Variants in DBF4B observed in about 807,000 individuals in gnomAD.
The protein encoded by DBF4B is DBF4B-CDC7 kinase regulatory subunit.
A neutral mutation model predicts 53.4 loss-of-function variants in DBF4B; 49 were observed. That is an observed-to-expected ratio of 0.92 (90% confidence interval 0.73 to 1.16). DBF4B has a LOEUF of 1.16. DBF4B is among the 50% of genes most tolerant of loss of function. DBF4B has a pLI of 0.00. For synonymous variants in DBF4B, 257 were observed against 288.7 expected (o/e 0.89, Z 1.11); for missense variants, 692 against 775.0 (o/e 0.89, Z 1.27).
chr17:44,723,911 G>C (rs1974066450), intron 3 of DBF4B, among the ~76,000 whole-genome samples: 1 of 152,184 alleles, frequency 6.6e-6, no homozygotes, highest in Non-Finnish European at 1.5e-5. Flanking sequence ...AGGAGTTCAA[G>C]ATCAGCCTGG....
intron 7 of DBF4B, among the ~76,000 whole-genome samples, chr17:44,734,558 GAGTGATTGAAAT>G (rs1975170830): frequency 6.6e-6 from 1 of 152,234 alleles, no homozygotes. Flanking sequence ...GGGTGAGAAG[GAGTGATTGAAAT>G]AGCTGCCATC....
intron 13 of DBF4B, chr17:44,748,723 G>A (rs1376880330): frequency 7.2e-7 from 1 of 1,382,000 alleles, no homozygotes; most frequent in Non-Finnish European, 9.5e-7. Context: ...GTTCCCCAGT[G>A]GCAGTGCTAA....
At chr17:44,726,141 C>T (rs1974303836) in intron 3 of DBF4B, among the ~76,000 whole-genome samples, 1 of 151,826 alleles carries the variant, frequency 6.6e-6, no homozygotes. Flanking sequence ...AGGCATGCAC[C>T]TCCATGCCTG....
chr17:44,741,558 AG>A (rs1976030657), intron 10 of DBF4B, 106 bp downstream of exon 10: 1 of 697,742 alleles, frequency 1.4e-6, no homozygotes, highest in African/African-American at 1.8e-5. Context: ...TTTGCTCCTT[AG>A]GCAAAGTCTA....
intron 2 of DBF4B, among the ~76,000 whole-genome samples, chr17:44,711,273 C>G (rs1972841337): frequency 1.3e-5 from 2 of 151,990 alleles, no homozygotes; most frequent in African/African-American, 4.8e-5. Context: ...CGTGAGCCAC[C>G]ACACCTGGCC....
chr17:44,750,004 C>T, intron 13 of DBF4B: 1 of 1,003,296 alleles, frequency 1.0e-6, no homozygotes, highest in Non-Finnish European at 1.2e-6. Context: ...CCAGCACTGA[C>T]CTTTCCCCTG....
chr17:44,736,738 G>A, intron 7 of DBF4B, 92 bp from the exon 8 acceptor site: 1 of 1,425,468 alleles, frequency 7.0e-7, no homozygotes, highest in South Asian at 1.2e-5. Flanking sequence ...AAGCAAAGTG[G>A]GACAGACTGG....
chr17:44,742,446 T>TTA (rs1255997403), intron 10 of DBF4B, among the ~76,000 whole-genome samples: 1 of 149,648 alleles, frequency 6.7e-6, no homozygotes, highest in Admixed American at 6.7e-5. Flanking sequence ...TCAAGCGTGA[T>TTA]GACAAGTGCC....
intron 7 of DBF4B, 44 bp downstream of exon 7, chr17:44,734,207 A>G (rs780455915): frequency 1.5e-5 from 24 of 1,613,284 alleles, no homozygotes; most frequent in South Asian, 4.4e-5. Flanking sequence ...ATGGTTTTCA[A>G]TGAAATCAGT....
chr17:44,719,667 C>T (rs151326523), intron 2 of DBF4B: 220 of 155,514 alleles, frequency 1.4e-3, no homozygotes, highest in African/African-American at 4.9e-3. Flanking sequence ...ATGGATATAC[C>T]ACATTTTGTT....
At chr17:44,748,603 A>T (rs1445863614) in intron 13 of DBF4B, 138 bp downstream of exon 13, 2 of 1,528,348 alleles carry the variant, frequency 1.3e-6, no homozygotes, top group African/African-American at 2.7e-5. Flanking sequence ...CCCCCCAGGG[A>T]TACCAGTGTC....
In DBF4B at chr17:44,751,527, C is replaced by A; in HGVS notation, c.*274C>A. On this transcript the variant is annotated 3_prime_UTR_variant, in exon 14 of 14. Transcript: ENST00000315005. ...CTGTCCCTGGCCCTCCAGCCCACCT[C>A]GCCAACCACTCTTGTTGGTTTCCTT... The A allele has an allele frequency of 7.6e-7, 1 of 1,318,536 alleles. No individual in the cohort carries two copies. Among genetic ancestry groups the A allele is most frequent in the Non-Finnish European group, 9.6e-7 (1 of 1,037,316 alleles). 81.7% of individuals were successfully genotyped at this position (1,318,536 alleles called of 1,614,324 possible).
At position 44,749,078 on chromosome 17, in the gene DBF4B, C is replaced by CCCTGT. The variant is rs959815928; in HGVS notation, c.1189+613_1189+614insCCTGT. Reference sequence around the variant, plus strand: ...CAGCTCCTCAGCTGCCCCACAGCTCCAGGCTGGCCATCAGCTCCCCTGTAC... The same window carrying CCCTGT: ...CAGCTCCTCAGCTGCCCCACAGCTCCCCTGTAGGCTGGCCATCAGCTCCCCTGTAC... On this transcript the variant is annotated intron_variant, in intron 13 of 13. Coordinates refer to ENST00000315005, the MANE Select transcript of DBF4B (RefSeq NM_145663.3). This position sits in a 1 kb window ranked among gnomAD's most constrained non-coding sequence, Gnocchi z 4.4. 7.8e-7 allele frequency: 1 copy of CCCTGT among 1,289,718 alleles called. No individual in the cohort carries two copies. The highest frequency in any genetic ancestry group is 1.5e-5 in the African/African-American group (1 of 65,872). 79.9% of individuals were successfully genotyped at this position (1,289,718 alleles called of 1,614,324 possible). A position where few individuals can be genotyped will look rare whatever the true frequency, so the allele number is the denominator to read the frequency against.
chr17:44,716,524 C>G (rs1481852290), intron 2 of DBF4B, among the ~76,000 whole-genome samples: 1 of 152,136 alleles, frequency 6.6e-6, no homozygotes, highest in East Asian at 1.9e-4. Context: ...AGACTATTGA[C>G]ATTTTGAGCC....
intron 3 of DBF4B, among the ~76,000 whole-genome samples, 177 bp from the exon 4 acceptor site, chr17:44,729,728 C>A (rs192483245): frequency 9.7e-4 from 123 of 126,198 alleles, no homozygotes; most frequent in African/African-American, 2.7e-3. Flanking sequence ...ACACACACAC[C>A]CCATTAGATT....
At chr17:44,709,541 A>G (rs1233154104) in intron 2 of DBF4B, among the ~76,000 whole-genome samples, 175 bp downstream of exon 2, 1 of 152,082 alleles carries the variant, frequency 6.6e-6, no homozygotes, top group Non-Finnish European at 1.5e-5. Flanking sequence ...AGCTGGTCTC[A>G]AACTCCTGGC....
chr17:44,744,621 T>A (rs1976426907), intron 10 of DBF4B, among the ~76,000 whole-genome samples: 1 of 152,192 alleles, frequency 6.6e-6, no homozygotes, highest in South Asian at 2.1e-4. Context: ...AAAAGATATA[T>A]GCATTTATAA....
intron 2 of DBF4B, among the ~76,000 whole-genome samples, chr17:44,721,602 A>G (rs544770831): frequency 8.5e-5 from 13 of 152,086 alleles, no homozygotes; most frequent in East Asian, 3.9e-4. Context: ...TTATACTTCA[A>G]TGGTTTTTCT....
At position 44,748,762 on chromosome 17, in the gene DBF4B, G is replaced by C. The variant is rs1256000280; in HGVS notation, c.1189+297G>C. On this transcript the variant is annotated intron_variant, in intron 13 of 13. Coordinates refer to ENST00000315005, the MANE Select transcript of DBF4B (RefSeq NM_145663.3). Reference sequence around the variant, plus strand: ...GAGAGTGGGGGCCTCCTGGCCACAGGCTTCATTTTTTGTCCCAATAGCCCC... The same window carrying C: ...GAGAGTGGGGGCCTCCTGGCCACAGCCTTCATTTTTTGTCCCAATAGCCCC... 8 of 1,333,286 alleles carry C rather than the reference G, an allele frequency of 6.0e-6. No homozygotes were observed. The Admixed American group carries it at 6.7e-5, about 11-fold the overall frequency. 82.6% of individuals were successfully genotyped at this position (1,333,286 alleles called of 1,614,324 possible). A position where few individuals can be genotyped will look rare whatever the true frequency, so the allele number is the denominator to read the frequency against.
Sources: gnomAD v4.1 joint callset for allele counts (sites outside exome capture counted in the v4.1 genomes callset) on GRCh38, gnomAD v4.1.1 for gene constraint, Gnocchi (gnomAD v3.1) non-coding constraint, MANE v1.5 for transcripts, NCBI Gene and HGNC (gene_info 2026-07-23, HGNC 2026-07-21) for gene names.